The following CCDC178 variants were observed in gnomAD, a reference collection of about 807,000 sequenced individuals.
CCDC178 encodes the protein coiled-coil domain-containing protein 178.
CCDC178 carries 126 observed loss-of-function variants against 117.4 expected under a neutral mutation model. The observed-to-expected ratio is 1.07, with a 90% CI of 0.93 to 1.24. The LOEUF (loss-of-function observed/expected upper bound fraction) is 1.24, where lower values mean the gene tolerates loss of function less well. Ranked by LOEUF, CCDC178 falls within the 50% of genes most tolerant of loss-of-function variation. The probability of loss-of-function intolerance (pLI) is 0.00; values close to 1 mark genes in which losing one functional copy is unlikely to be tolerated. For synonymous variants in CCDC178, 283 were observed against 313.4 expected (o/e 0.90, Z 1.02); for missense variants, 1,030 against 986.9 (o/e 1.04, Z -0.59).
At chr18:33,395,824 G>A (rs560279953) in intron 4 of CCDC178, among the ~76,000 whole-genome samples, 4 of 152,066 alleles carry the variant, frequency 2.6e-5, no homozygotes, top group East Asian at 1.9e-4. Context: ...TAAATAGCAC[G>A]CAAAAATCAA....
intron 12 of CCDC178, among the ~76,000 whole-genome samples, chr18:33,282,416 C>T (rs1393175337): frequency 6.6e-6 from 1 of 152,120 alleles, no homozygotes; most frequent in African/African-American, 2.4e-5. Context: ...ACTGTCGGTC[C>T]TGATCTCTGC....
In CCDC178 at chr18:33,109,253, A is replaced by G. The variant is rs183086395; in HGVS notation, c.2239-16343T>C. Among the ~76,000 whole-genome samples the G allele has an allele frequency of 1.8e-4, 28 of 151,846 alleles. 1 individual carries two copies. The East Asian group carries it at 5.3e-3, about 29-fold the overall frequency. ...ATACAGATTGCTGGGTTTCTCAGCT[A>G]ATCACAACCTTATATAGATAACACA... On this transcript the variant is annotated intron_variant, in intron 20 of 22. Coordinates refer to ENST00000383096, the MANE Select transcript of CCDC178 (RefSeq NM_001105528.4).
Position 33,295,231 on chromosome 18 carries a change from G to A in CCDC178, c.1023-1919C>T, listed in dbSNP as rs190127390. 2.1e-3 allele frequency among the ~76,000 whole-genome samples: 326 copies of A among 152,018 alleles called. 2 individuals carry two copies. Among genetic ancestry groups the A allele is most frequent in the African/African-American group, 7.5e-3 (313 of 41,472 alleles). On this transcript the variant is annotated intron_variant, in intron 11 of 22. Coordinates refer to ENST00000383096, the MANE Select transcript of CCDC178 (RefSeq NM_001105528.4). ...TGAAAGTAATTTAACATATGGTGAT[G>A]GAATAATTACATATTCATTGGCAAA...
At chr18:33,356,983 T>TG (rs1451593544) in intron 6 of CCDC178, among the ~76,000 whole-genome samples, 1 of 151,474 alleles carries the variant, frequency 6.6e-6, no homozygotes, top group Admixed American at 6.6e-5. Flanking sequence ...GGAGGCTTCA[T>TG]CTACATGACA....
chr18:33,235,620 G>A (rs1047514356), intron 15 of CCDC178, among the ~76,000 whole-genome samples: 1 of 151,926 alleles, frequency 6.6e-6, no homozygotes, highest in African/African-American at 2.4e-5. Flanking sequence ...ATTCTAACCT[G>A]GAACCAGAGT....
At chr18:33,067,951 G>C (rs2057045878) in intron 21 of CCDC178, among the ~76,000 whole-genome samples, 1 of 151,996 alleles carries the variant, frequency 6.6e-6, no homozygotes, top group Non-Finnish European at 1.5e-5. Context: ...GAAAAAAAGA[G>C]TGAAGACTCA....
At chr18:33,430,308 A>G (rs1364977568) in intron 2 of CCDC178, among the ~76,000 whole-genome samples, 1 of 152,228 alleles carries the variant, frequency 6.6e-6, no homozygotes, top group Non-Finnish European at 1.5e-5. Flanking sequence ...ACAATGAAAC[A>G]CTTTTGATGA....
intron 20 of CCDC178, among the ~76,000 whole-genome samples, chr18:33,143,587 G>A (rs2058235053): frequency 6.6e-6 from 1 of 152,098 alleles, no homozygotes; most frequent in Non-Finnish European, 1.5e-5. Context: ...AGTCTGTAGT[G>A]AAATAATGTT....
chr18:33,250,407 T>C, intron 14 of CCDC178, among the ~76,000 whole-genome samples: 1 of 144,668 alleles, frequency 6.9e-6, no homozygotes, highest in Admixed American at 7.1e-5. Context: ...CATAATACTA[T>C]GTTTAAAAAA....
intron 21 of CCDC178, among the ~76,000 whole-genome samples, chr18:32,978,203 A>ATTT (rs34863142): frequency 0.11 from 9,983 of 89,452 alleles, 462 homozygotes; most frequent in Non-Finnish European, 0.15. Flanking sequence ...CTCAAAAAAG[A>ATTT]TTTTTTTTTT....
At chr18:33,410,273 T>G (rs1361645386) in intron 3 of CCDC178, among the ~76,000 whole-genome samples, 1 of 152,194 alleles carries the variant, frequency 6.6e-6, no homozygotes, top group Non-Finnish European at 1.5e-5. Flanking sequence ...TATTTAAATA[T>G]GAGTTACACA....
At chr18:33,340,302 G>A (rs574658480) in intron 9 of CCDC178, among the ~76,000 whole-genome samples, 47 of 152,268 alleles carry the variant, frequency 3.1e-4, no homozygotes, top group African/African-American at 9.6e-4. Context: ...CCTAAGCAGC[G>A]AAGCACTCAA....
At chr18:33,175,723 A>G (rs1457074829) in intron 20 of CCDC178, among the ~76,000 whole-genome samples, 1 of 152,142 alleles carries the variant, frequency 6.6e-6, no homozygotes, top group African/African-American at 2.4e-5. Flanking sequence ...TTTGCTTTAG[A>G]GTTTCAGGAC....
At chr18:32,986,620 T>A (rs762763821) in intron 21 of CCDC178, among the ~76,000 whole-genome samples, 2 of 152,064 alleles carry the variant, frequency 1.3e-5, no homozygotes, top group Non-Finnish European at 2.9e-5. Flanking sequence ...CTAGAAAGGA[T>A]GTAATTCAGA....
At chr18:33,161,717 C>A (rs1019594875) in intron 20 of CCDC178, among the ~76,000 whole-genome samples, 14 of 152,070 alleles carry the variant, frequency 9.2e-5, no homozygotes, top group Admixed American at 7.2e-4. Context: ...TTGTTTCCAG[C>A]TTCATCCATG....
At chr18:33,173,908 A>C (rs2058633727) in intron 20 of CCDC178, among the ~76,000 whole-genome samples, 2 of 152,282 alleles carry the variant, frequency 1.3e-5, no homozygotes, top group African/African-American at 2.4e-5. Flanking sequence ...TATCATGGCT[A>C]AGTAAGGAGA....
intron 2 of CCDC178, 79 bp from the exon 3 acceptor site, chr18:33,412,189 A>C: frequency 1.9e-6 from 1 of 540,446 alleles, no homozygotes; most frequent in South Asian, 3.0e-5. Flanking sequence ...TGTCAATTCA[A>C]GAACTGATAG....
chr18:33,321,772 G>A (rs2062512488), intron 11 of CCDC178, among the ~76,000 whole-genome samples: 1 of 151,722 alleles, frequency 6.6e-6, no homozygotes, highest in African/African-American at 2.4e-5. Context: ...CAACAAATGT[G>A]GCAAATAGAG....
intron 21 of CCDC178, among the ~76,000 whole-genome samples, chr18:33,073,504 C>CATCTATCT (rs11468119): frequency 1.2e-3 from 175 of 142,112 alleles, no homozygotes; most frequent in Middle Eastern, 3.6e-3. Context: ...CTATAGTCAG[C>CATCTATCT]ATCTATCTAT....
Sources: gnomAD v4.1 joint callset for allele counts (sites outside exome capture counted in the v4.1 genomes callset) on GRCh38, gnomAD v4.1.1 for gene constraint, MANE v1.5 for transcripts, NCBI Gene and HGNC (gene_info 2026-07-23, HGNC 2026-07-21) for gene names.